TTC29: variants seen among roughly 807,000 people sequenced by gnomAD.
TTC29 encodes the protein tetratricopeptide repeat protein 29.
TTC29 carries 49 observed loss-of-function variants against 58.1 expected under a neutral mutation model. The ratio of observed to expected loss-of-function variants is 0.84; its 90% CI spans 0.67 to 1.07. The LOEUF is 1.07. Ranked by LOEUF, TTC29 falls within the 50% of genes least tolerant of loss-of-function variation. The probability of loss-of-function intolerance (pLI) is 0.00; values close to 1 mark genes in which losing one functional copy is unlikely to be tolerated. For synonymous variants in TTC29, 209 were observed against 196.8 expected (o/e 1.06, Z -0.52); for missense variants, 582 against 555.6 (o/e 1.05, Z -0.48).
intron 4 of TTC29, among the ~76,000 whole-genome samples, chr4:146,932,624 AG>A (rs2150320582): frequency 6.6e-6 from 1 of 152,330 alleles, no homozygotes; most frequent in South Asian, 2.1e-4. Flanking sequence ...AGTTCATAAA[AG>A]CATCTTTGGA....
chr4:146,767,049 A>T (rs1297831792), intron 11 of TTC29, among the ~76,000 whole-genome samples: 2 of 152,102 alleles, frequency 1.3e-5, no homozygotes, highest in Non-Finnish European at 2.9e-5. Flanking sequence ...TATAGATTCC[A>T]CTGGAGCTTC....
chr4:146,776,308 T>C (rs1748086674), intron 11 of TTC29, among the ~76,000 whole-genome samples: 1 of 152,202 alleles, frequency 6.6e-6, no homozygotes, highest in South Asian at 2.1e-4. Context: ...CTTTTCAGCC[T>C]GGAACCATTG....
intron 8 of TTC29, among the ~76,000 whole-genome samples, chr4:146,855,111 A>G (rs895361903): frequency 4.6e-5 from 7 of 152,108 alleles, no homozygotes; most frequent in Admixed American, 1.3e-4. Flanking sequence ...AGCCTGGCCA[A>G]TATGGTAAAA....
At chr4:146,917,540 T>C (rs1734305424) in intron 4 of TTC29, among the ~76,000 whole-genome samples, 2 of 146,056 alleles carry the variant, frequency 1.4e-5, no homozygotes, top group Admixed American at 1.4e-4. Context: ...TATATTGCTG[T>C]AAAATTTATA....
intron 11 of TTC29, among the ~76,000 whole-genome samples, chr4:146,782,515 G>T (rs979637661): frequency 6.6e-6 from 1 of 151,896 alleles, no homozygotes; most frequent in Non-Finnish European, 1.5e-5. Flanking sequence ...GCATTACTCT[G>T]TTGGAGAAAC....
chr4:146,871,121 GA>G (rs1730899039), intron 7 of TTC29, among the ~76,000 whole-genome samples: 1 of 151,784 alleles, frequency 6.6e-6, no homozygotes, highest in African/African-American at 2.4e-5. Flanking sequence ...TAACATATAA[GA>G]AGGATTATAC....
At chr4:146,737,236 T>A (rs536775903) in intron 11 of TTC29, among the ~76,000 whole-genome samples, 3 of 152,242 alleles carry the variant, frequency 2.0e-5, no homozygotes, top group African/African-American at 4.8e-5. Flanking sequence ...GCCTATGTGG[T>A]GCATGGCCCT....
intron 11 of TTC29, among the ~76,000 whole-genome samples, chr4:146,750,829 CT>C (rs1330038519): frequency 6.6e-6 from 1 of 152,116 alleles, no homozygotes; most frequent in Non-Finnish European, 1.5e-5. Context: ...ATAAAACAAT[CT>C]GAAAACAACA....
At chr4:146,713,334 T>C (rs1053302403) in intron 11 of TTC29, among the ~76,000 whole-genome samples, 3 of 152,028 alleles carry the variant, frequency 2.0e-5, no homozygotes, top group Non-Finnish European at 4.4e-5. Context: ...GGTTTGTCAT[T>C]CATGCATTCA....
At chr4:146,743,053 C>T (rs1054761716) in intron 11 of TTC29, among the ~76,000 whole-genome samples, 1 of 151,858 alleles carries the variant, frequency 6.6e-6, no homozygotes, top group African/African-American at 2.4e-5. Flanking sequence ...GGCTCTGGCC[C>T]TTTACTCTCC....
chr4:146,832,795 C>T (rs1728257168), intron 9 of TTC29, among the ~76,000 whole-genome samples: 1 of 152,022 alleles, frequency 6.6e-6, no homozygotes, highest in Admixed American at 6.6e-5. Flanking sequence ...CCTGGCCTCT[C>T]CTTCTAAATA....
Position 146,794,126 on chromosome 4 carries a change from A to T in TTC29, c.1330+9331T>A, listed in dbSNP as rs561865544. Reference sequence around the variant, plus strand: ...TTACTAAAAAAATACTATATTCACAATTCATCATACAAATCTTCAAAAGTG... The same window carrying T: ...TTACTAAAAAAATACTATATTCACATTTCATCATACAAATCTTCAAAAGTG... On this transcript the variant is annotated intron_variant, in intron 11 of 12. Coordinates refer to ENST00000325106, the MANE Select transcript of TTC29 (RefSeq NM_031956.4). Among the ~76,000 whole-genome samples the T allele has an allele frequency of 1.6e-3, 243 of 152,252 alleles. 1 individual carries two copies. Among genetic ancestry groups the T allele is most frequent in the African/African-American group, 5.7e-3 (238 of 41,570 alleles).
intron 6 of TTC29, 56 bp downstream of exon 6, chr4:146,903,488 G>A (rs1223588869): frequency 1.4e-6 from 2 of 1,450,706 alleles, no homozygotes; most frequent in Non-Finnish European, 1.9e-6. Flanking sequence ...TTTCCATTGT[G>A]TGATCTCAGG....
At position 146,802,200 on chromosome 4, in the gene TTC29, T is replaced by C. The variant is rs148925477; in HGVS notation, c.1330+1257A>G. 3.3e-5 allele frequency among the ~76,000 whole-genome samples: 5 copies of C among 152,194 alleles called. No homozygotes were observed. The East Asian group carries it at 5.8e-4, about 18-fold the overall frequency. ...ACCTTCATCAGAATAAGTAATCTAATATAGGTCATGTTTCCTCTGCATTGT... is the reference window on the plus strand; with the variant it reads ...ACCTTCATCAGAATAAGTAATCTAACATAGGTCATGTTTCCTCTGCATTGT... On this transcript the variant is annotated intron_variant, in intron 11 of 12. Transcript: ENST00000325106.
At chr4:146,920,769 T>C (rs188577552) in intron 4 of TTC29, among the ~76,000 whole-genome samples, 8 of 151,340 alleles carry the variant, frequency 5.3e-5, no homozygotes, top group African/African-American at 1.9e-4. Context: ...TTTTTAGATA[T>C]AAATATTCTA....
chr4:146,790,353 T>C (rs929020553), intron 11 of TTC29, among the ~76,000 whole-genome samples: 6 of 152,006 alleles, frequency 3.9e-5, no homozygotes, highest in African/African-American at 1.4e-4. Context: ...CATGCCTGGC[T>C]AAATTTTGTA....
At chr4:146,877,168 T>A (rs1199053368) in intron 6 of TTC29, among the ~76,000 whole-genome samples, 7 of 152,122 alleles carry the variant, frequency 4.6e-5, no homozygotes, top group Non-Finnish European at 2.9e-5. Flanking sequence ...TAAGTAAATA[T>A]ATTAGGAAAC....
chr4:146,730,545 C>T (rs193083258), intron 11 of TTC29, among the ~76,000 whole-genome samples: 4 of 152,200 alleles, frequency 2.6e-5, no homozygotes, highest in Non-Finnish European at 4.4e-5. Context: ...AGCCATGGGT[C>T]ACTTTAACAG....
intron 10 of TTC29, among the ~76,000 whole-genome samples, chr4:146,819,233 C>T (rs76172663): frequency 0.063 from 9,588 of 151,964 alleles, 408 homozygotes; most frequent in Admixed American, 0.13. Context: ...GTGAGAAAAC[C>T]GAGGCACCTA....
Sources: allele counts gnomAD v4.1 joint callset (sites outside exome capture counted in the v4.1 genomes callset), GRCh38; gene constraint gnomAD v4.1.1; transcripts MANE v1.5; gene names NCBI Gene and HGNC (gene_info 2026-07-23, HGNC 2026-07-21).